UBA2: variants seen among roughly 807,000 people sequenced by gnomAD.
UBA2 encodes SUMO-activating enzyme subunit 2.
A neutral mutation model predicts 77.2 loss-of-function variants in UBA2; 11 were observed. The observed-to-expected ratio is 0.14, with a 90% confidence interval of 0.09 to 0.24. The LOEUF is 0.24. Among genes scored for constraint, UBA2 ranks in the 10% least tolerant of loss-of-function variants. The pLI, the probability that UBA2 is intolerant of heterozygous loss-of-function variation, is 1.00. For synonymous variants in UBA2, 278 were observed against 276.7 expected (o/e 1.00, Z -0.05); for missense variants, 487 against 781.7 (o/e 0.62, Z 4.50).
In UBA2 at chr19:34,452,099, A is replaced by G. The variant is rs2075507103; in HGVS notation, c.990A>G (p.Arg330=). 1 of 1,609,720 alleles carries G rather than the reference A, an allele frequency of 6.2e-7. No homozygotes were observed. The highest frequency in any genetic ancestry group is 1.3e-5 in the African/African-American group (1 of 74,870). ...RLFSKSIETL[R]VHLAEKGDGA... ...TTTCAAAGAGCATCGAGACTTTGAG[A>G]GTTCATTTAGCAGAAAAGGGGGATG... The change falls in exon 10 of 17, where the codon AGA becomes AGG. Residue 330 remains arginine, a synonymous_variant. Transcript: ENST00000246548.
In UBA2 at chr19:34,450,384, C is replaced by G; in HGVS notation, c.871+20C>G. 1.3e-6 allele frequency: 2 copies of G among 1,520,710 alleles called. No individual in the cohort carries two copies. The highest frequency in any genetic ancestry group is 1.8e-6 in the Non-Finnish European group (2 of 1,115,568). 94.2% of individuals were successfully genotyped at this position (1,520,710 alleles called of 1,614,324 possible). Reference sequence around the variant, plus strand: ...GTCAAGGTAAAGAATACATTTTAGTCTTGGAACACCTAAGCTGGAAATATC... The same window carrying G: ...GTCAAGGTAAAGAATACATTTTAGTGTTGGAACACCTAAGCTGGAAATATC... On this transcript the variant is annotated intron_variant, in intron 9 of 16. Coordinates refer to ENST00000246548, the MANE Select transcript of UBA2 (RefSeq NM_005499.3).
rs1359523746 is a variant in UBA2, at chr19:34,454,312, A to G, written c.1091A>G (p.His364Arg). The G allele has an allele frequency of 6.2e-7, 1 of 1,613,272 alleles. No homozygotes were observed. The highest frequency in any genetic ancestry group is 8.5e-7 in the Non-Finnish European group (1 of 1,179,862). ...FVTSAANLRM[H>R]IFSMNMKSRF... Reference sequence around the variant, plus strand: ...ACCTCTGCTGCAAACCTCAGGATGCATATTTTCAGTATGAATATGAAGAGT... The same window carrying G: ...ACCTCTGCTGCAAACCTCAGGATGCGTATTTTCAGTATGAATATGAAGAGT... The change falls in exon 11 of 17, where the codon CAT (histidine) becomes CGT (arginine). Residue 364 changes from histidine (H) to arginine (R), a missense_variant. His to Arg is a conservative substitution (Grantham distance 29). This residue lies in a region of UBA2 where 300 missense variants were observed against 454.3 expected (regional missense o/e 0.66). Coordinates refer to ENST00000246548, the MANE Select transcript of UBA2 (RefSeq NM_005499.3).
intron 12 of UBA2, among the ~76,000 whole-genome samples, chr19:34,455,307 A>C (rs2145548033): frequency 6.6e-6 from 1 of 152,242 alleles, no homozygotes; most frequent in East Asian, 1.9e-4. Flanking sequence ...TTTATGGAGA[A>C]AGTATTTTTC....
chr19:34,457,691 C>G (rs1281974993), intron 12 of UBA2, among the ~76,000 whole-genome samples: 1 of 152,112 alleles, frequency 6.6e-6, no homozygotes, highest in Admixed American at 6.5e-5. Flanking sequence ...TAGAGTACTC[C>G]TTTAGAATTC....
chr19:34,462,649 G>A (rs759724623), intron 14 of UBA2, among the ~76,000 whole-genome samples: 13 of 152,108 alleles, frequency 8.5e-5, no homozygotes, highest in Non-Finnish European at 1.8e-4. Context: ...AAAAAAGTGG[G>A]GGGAGACTGA....
intron 9 of UBA2, 35 bp from the exon 10 acceptor site, chr19:34,451,946 A>T: frequency 8.0e-7 from 1 of 1,249,658 alleles, no homozygotes; most frequent in Non-Finnish European, 1.1e-6. Flanking sequence ...GATGTTAATT[A>T]GTGAAATTTC....
chr19:34,457,177 AAAATATATATAT>A (rs1292245384), intron 12 of UBA2, among the ~76,000 whole-genome samples: 4 of 68,508 alleles, frequency 5.8e-5, no homozygotes, highest in African/African-American at 9.9e-5. Flanking sequence ...AAAAAAAAAA[AAAATATATATAT>A]ATATATATAT....
chr19:34,468,062 A>G (rs1208123307), intron 16 of UBA2, among the ~76,000 whole-genome samples: 1 of 152,146 alleles, frequency 6.6e-6, no homozygotes, highest in East Asian at 1.9e-4. Flanking sequence ...CTGGATTTTC[A>G]GTGCTGGTGC....
intron 7 of UBA2, 52 bp from the exon 8 acceptor site, chr19:34,444,948 G>A: frequency 6.4e-7 from 1 of 1,566,018 alleles, no homozygotes; most frequent in South Asian, 1.2e-5. Flanking sequence ...AGTGAAAAGA[G>A]TTCAGTTCTA....
chr19:34,461,746 C>T (rs901326958), intron 14 of UBA2, among the ~76,000 whole-genome samples: 1 of 152,156 alleles, frequency 6.6e-6, no homozygotes, highest in East Asian at 1.9e-4. Flanking sequence ...CAGACCTTGG[C>T]TTGAAGTGCC....
intron 9 of UBA2, 128 bp downstream of exon 9, chr19:34,450,492 A>G: frequency 1.7e-6 from 1 of 572,000 alleles, no homozygotes; most frequent in East Asian, 3.6e-5. Flanking sequence ...AAAAATATGA[A>G]GAACAAAAGT....
At chr19:34,468,927 C>A in intron 16 of UBA2, 113 bp from the exon 17 acceptor site, 1 of 779,022 alleles carries the variant, frequency 1.3e-6, no homozygotes, top group Non-Finnish European at 1.9e-6. Context: ...TGCAGCCATT[C>A]TTAAGTCTGG....
Position 34,438,580 on chromosome 19 carries a change from A to G in UBA2, c.460-65A>G, listed in dbSNP as rs1469040301. ...GAATATAGATGAATGAAGTGTTTAT[A>G]TTACCTTATAATGTTGAGAAACTGC... On this transcript the variant is annotated intron_variant, in intron 5 of 16. Transcript: ENST00000246548. 5 of 1,585,070 alleles carry G rather than the reference A, an allele frequency of 3.2e-6. No individual in the cohort carries two copies. In the African/African-American group the frequency reaches 5.4e-5, roughly 17 times the overall value.
At chr19:34,433,451 C>A (rs1332619206) in intron 4 of UBA2, 39 bp downstream of exon 4, 3 of 1,294,052 alleles carry the variant, frequency 2.3e-6, no homozygotes, top group Non-Finnish European at 3.3e-6. Context: ...TCAGTATTTC[C>A]TCTCTCCCAT....
rs904252520 is a variant in UBA2, at chr19:34,466,742, A to T, written c.1605-136A>T. On this transcript the variant is annotated intron_variant, in intron 15 of 16. Transcript: ENST00000246548. ...GACCCTATCTCTCATTTTTTTTTAA[A>T]TAAAAATTAAAAAAAAAATTAGAAT... The T allele has an allele frequency of 9.9e-5, 65 of 659,488 alleles. 1 individual carries two copies. In the African/African-American group the frequency reaches 1.2e-3, roughly 12 times the overall value. 40.9% of individuals were successfully genotyped at this position (659,488 alleles called of 1,614,324 possible). A position where few individuals can be genotyped will look rare whatever the true frequency, so the allele number is the denominator to read the frequency against.
intron 1 of UBA2, chr19:34,428,890 G>T: frequency 9.8e-7 from 1 of 1,023,176 alleles, no homozygotes; most frequent in South Asian, 4.6e-5. Context: ...CAAATTCCCG[G>T]CTGTTAGGAG....
chr19:34,453,876 T>G (rs114208951), intron 10 of UBA2, among the ~76,000 whole-genome samples: 2,506 of 152,258 alleles, frequency 0.016, 45 homozygotes, highest in African/African-American at 0.057. Flanking sequence ...GATTCTGTGT[T>G]TGTCCAGCAA....
At chr19:34,440,476 T>G (rs1248183284) in intron 6 of UBA2, among the ~76,000 whole-genome samples, 1 of 152,180 alleles carries the variant, frequency 6.6e-6, no homozygotes, top group African/African-American at 2.4e-5. Flanking sequence ...AGCTAAACTC[T>G]CCCTGAGAAA....
rs2075662261 is a variant in UBA2 at position 34,464,113 on chromosome 19, T to C, written c.1586T>C (p.Leu529Ser). 1 of 1,609,674 alleles carries C rather than the reference T, an allele frequency of 6.2e-7. No homozygotes were observed. The highest frequency in any genetic ancestry group is 1.1e-5 in the South Asian group (1 of 90,954). Residue 529 changes from leucine to serine, a missense_variant, in exon 15 of 17, where the codon TTG (leucine) becomes TCG (serine). Physicochemically the swap from Leu to Ser is moderately radical, Grantham distance 145. Transcript: ENST00000246548. The stretch of plus-strand genomic sequence containing the variant: ...GACTTCCTCCAGGACTATACTTTAT[T>C]GATCAACATCCTTCATAGGTAAGAG... Reference protein sequence around the residue: ...ADDFLQDYTLLINILHSEDLG... With the variant: ...ADDFLQDYTLSINILHSEDLG...
Sources: gnomAD v4.1 joint callset for allele counts (sites outside exome capture counted in the v4.1 genomes callset) on GRCh38, gnomAD v4.1.1 for gene constraint, gnomAD v4.1.1 regional missense constraint, MANE v1.5 for transcripts, NCBI Gene and HGNC (gene_info 2026-07-23, HGNC 2026-07-21) for gene names.